Variants in PRRC2A observed in about 807,000 individuals in gnomAD.
PRRC2A encodes protein PRRC2A.
A neutral mutation model predicts 224.6 loss-of-function variants in PRRC2A; 59 were observed. The observed-to-expected ratio is 0.26, with a 90% CI of 0.21 to 0.33. PRRC2A has a LOEUF of 0.33. PRRC2A is among the 10% of genes least tolerant of loss of function. The pLI is 1.00. For missense variants in PRRC2A, 3,095 were observed against 2,880.7 expected (o/e 1.07, Z -1.70); for synonymous variants, 1,194 against 1,109.5 (o/e 1.08, Z -1.51).
chr6:31,627,233 C>T lies in PRRC2A; in HGVS notation c.1290+35C>T. On this transcript the variant is annotated intron_variant, in intron 11 of 30. Coordinates refer to ENST00000376033, the MANE Select transcript of PRRC2A (RefSeq NM_004638.4). This position sits in a 1 kb window ranked among gnomAD's most constrained non-coding sequence, Gnocchi z 5.6. ...TCCAATAAGGGATTGAGAGGGTCAGCTGTGGGAAATTGGTGTCAGCTGAGT... is the reference window on the plus strand; with the variant it reads ...TCCAATAAGGGATTGAGAGGGTCAGTTGTGGGAAATTGGTGTCAGCTGAGT... The T allele has an allele frequency of 6.9e-7, 1 of 1,449,314 alleles. No homozygotes were observed. The highest frequency in any genetic ancestry group is 9.6e-7 in the Non-Finnish European group (1 of 1,045,996). 89.8% of individuals were successfully genotyped at this position (1,449,314 alleles called of 1,614,324 possible). A position where few individuals can be genotyped will look rare whatever the true frequency, so the allele number is the denominator to read the frequency against.
rs751817325 is a variant in PRRC2A at position 31,627,754 on chromosome 6, C to A, written c.1291-11C>A. On this transcript the variant is annotated splice_polypyrimidine_tract_variant and intron_variant, in intron 11 of 30. Transcript: ENST00000376033. This position sits in a 1 kb window ranked among gnomAD's most constrained non-coding sequence, Gnocchi z 5.6. The stretch of plus-strand genomic sequence containing the variant: ...ATTCCCCTGGCCCTGCTGGGTCTTG[C>A]CAATTGACAGGATCGTGGGGGTCCT... 6.2e-7 allele frequency: 1 copy of A among 1,609,976 alleles called. No homozygotes were observed. The highest frequency in any genetic ancestry group is 1.7e-5 in the Admixed American group (1 of 59,968).
In PRRC2A at chr6:31,629,862, G is replaced by A. The variant is rs775831433; in HGVS notation, c.2254+17G>A. On this transcript the variant is annotated intron_variant, in intron 14 of 30. Coordinates refer to ENST00000376033, the MANE Select transcript of PRRC2A (RefSeq NM_004638.4). ...ATCCCTCTGGTAAGGGGGCATGGGA[G>A]GAGTGAGAAACAGGAAAGTCCCCTC... 3.1e-6 allele frequency: 5 copies of A among 1,612,416 alleles called. No homozygotes were observed. The highest frequency in any genetic ancestry group is 1.3e-5 in the African/African-American group (1 of 74,826).
chr6:31,628,278 A>G (rs752256976), intron 12 of PRRC2A, 39 bp downstream of exon 12: 3 of 1,576,284 alleles, frequency 1.9e-6, no homozygotes, highest in Admixed American at 1.8e-5. Context: ...ATGTCAGATC[A>G]CTGCTTCAAG....
At position 31,632,586 on chromosome 6, in the gene PRRC2A, A is replaced by G; in HGVS notation, c.3913A>G (p.Lys1305Glu). The change falls in exon 16 of 31, where the codon AAG becomes GAG. Residue 1305 changes from lysine to glutamate, a missense_variant. Lys to Glu is a moderately conservative substitution (Grantham distance 56). Transcript: ENST00000376033. ...CCCAGCACCTCGCCGGGCAGCTGCC[A>G]AGTCTCCTGATCTGTCAAACCAGAA... The part of the protein sequence containing the change: ...VAPAPRRAAA[K>E]SPDLSNQNSD... The G allele has an allele frequency of 1.9e-6, 3 of 1,613,000 alleles. No individual in the cohort carries two copies. The highest frequency in any genetic ancestry group is 1.7e-6 in the Non-Finnish European group (2 of 1,179,958).
intron 9 of PRRC2A, 40 bp from the exon 10 acceptor site, chr6:31,626,732 G>A (rs1405427839): frequency 1.3e-6 from 2 of 1,520,866 alleles, no homozygotes; most frequent in Non-Finnish European, 1.8e-6. Flanking sequence ...AGATTGGAGG[G>A]CAGAATGCTT....
At position 31,636,284 on chromosome 6, in the gene PRRC2A, G is replaced by C; in HGVS notation, c.5700G>C (p.Gln1900His). Residue 1900 changes from glutamine (Q) to histidine (H), a missense_variant, in exon 26 of 31, where the codon CAG (glutamine) becomes CAC (histidine). Around this residue, in one of 8 missense-constraint regions of PRRC2A, gnomAD observed 662 missense variants for 609.5 expected, o/e 1.09. Coordinates refer to ENST00000376033, the MANE Select transcript of PRRC2A (RefSeq NM_004638.4). The surrounding 1 kb of genome is among the most constrained non-coding windows in gnomAD (Gnocchi z 4.3). ...ALLSGLALKG[Q>H]FLDFSTMQAT... ...TCTCTGGGTTAGCTCTCAAGGGCCAGTTTCTGGATTTCTCCACAATGCAAG... is the reference window on the plus strand; with the variant it reads ...TCTCTGGGTTAGCTCTCAAGGGCCACTTTCTGGATTTCTCCACAATGCAAG... 1 of 1,613,018 alleles carries C rather than the reference G, an allele frequency of 6.2e-7. No homozygotes were observed. Among genetic ancestry groups the C allele is most frequent in the Non-Finnish European group, 8.5e-7 (1 of 1,180,014 alleles).
At chr6:31,626,305 T>A in intron 9 of PRRC2A, 143 bp downstream of exon 9, 2 of 1,071,356 alleles carry the variant, frequency 1.9e-6, no homozygotes, top group Non-Finnish European at 2.6e-6. Context: ...GTAATCCCAG[T>A]GCTTTGGGAG....
In PRRC2A at chr6:31,631,410, C is replaced by A. The variant is rs1310619159; in HGVS notation, c.2737C>A (p.Pro913Thr). ...CGGAGTCGGGAGTGGAGGCCAGGGCCCCCCACCACCACGCAGAGAGAGTCG... is the reference window on the plus strand; with the variant it reads ...CGGAGTCGGGAGTGGAGGCCAGGGCACCCCACCACCACGCAGAGAGAGTCG... ...ARGVGSGGQG[P>T]PPPRRESRTE... is the part of the protein sequence containing the mutation. The change falls in exon 16 of 31, where the codon CCC (proline) becomes ACC (threonine). Residue 913 changes from proline (P) to threonine (T), a missense_variant. Pro to Thr is a conservative substitution (Grantham distance 38). Transcript: ENST00000376033. This position sits in a 1 kb window ranked among gnomAD's most constrained non-coding sequence, Gnocchi z 4.5. The A allele has an allele frequency of 6.2e-7, 1 of 1,609,330 alleles. No homozygotes were observed. Among genetic ancestry groups the A allele is most frequent in the East Asian group, 2.2e-5 (1 of 44,784 alleles).
At chr6:31,629,392 A>G in intron 13 of PRRC2A, 58 bp downstream of exon 13, 1 of 1,519,196 alleles carries the variant, frequency 6.6e-7, no homozygotes, top group Non-Finnish European at 8.9e-7. Context: ...TCGGTCCCTA[A>G]TTCTCTTCAT....
chr6:31,630,609 G>A lies in PRRC2A; in HGVS notation c.2273G>A (p.Arg758His), dbSNP rs145145943. Residue 758 changes from arginine (R) to histidine (H), a missense_variant, in exon 15 of 31, where the codon CGT (arginine) becomes CAT (histidine). Arg to His is a conservative substitution (Grantham distance 29, BLOSUM62 0). Around this residue, in one of 8 missense-constraint regions of PRRC2A, gnomAD observed 2,001 missense variants for 1,764.9 expected, o/e 1.13. Transcript: ENST00000376033. ...VHPSGLVPRE[R>H]SDSGGSSSEP... is the part of the protein sequence containing the mutation. Reference sequence around the variant, plus strand: ...TCTTCAGGCCTAGTTCCCCGAGAGCGTTCAGACAGTGGGGGCTCAAGCTCA... The same window carrying A: ...TCTTCAGGCCTAGTTCCCCGAGAGCATTCAGACAGTGGGGGCTCAAGCTCA... 1.6e-5 allele frequency: 26 copies of A among 1,613,968 alleles called. No homozygotes were observed. Among genetic ancestry groups the A allele is most frequent in the East Asian group, 2.2e-5 (1 of 44,894 alleles).
intron 13 of PRRC2A, 94 bp from the exon 14 acceptor site, chr6:31,629,454 C>T (rs979238438): frequency 2.6e-5 from 37 of 1,433,628 alleles, no homozygotes; most frequent in East Asian, 4.6e-5. Flanking sequence ...TCCATTGTCA[C>T]GCCAATTTCC....
At position 31,625,800 on chromosome 6, in the gene PRRC2A, C is replaced by A; in HGVS notation, c.768C>A (p.Pro256=). 1 of 1,577,232 alleles carries A rather than the reference C, an allele frequency of 6.3e-7. No individual in the cohort carries two copies. Among genetic ancestry groups the A allele is most frequent in the Non-Finnish European group, 8.7e-7 (1 of 1,147,142 alleles). The change falls in exon 8 of 31, where the codon CCC becomes CCA. Residue 256 remains proline (P), a synonymous_variant. Transcript: ENST00000376033. This position sits in a 1 kb window ranked among gnomAD's most constrained non-coding sequence, Gnocchi z 4.1. ...YRGMMPPFMY[P]PYLPFPPPYG... ...GTTGGACCCTTTTACAGATGTATCC[C>A]CCATATCTCCCGTTCCCTCCGCCCT...
chr6:31,632,434 C>A lies in PRRC2A; in HGVS notation c.3761C>A (p.Pro1254Gln). Residue 1254 changes from proline to glutamine, a missense_variant, in exon 16 of 31, where the codon CCG becomes CAG. This residue lies in a region of PRRC2A where 2,001 missense variants were observed against 1,764.9 expected (regional missense o/e 1.13). Transcript: ENST00000376033. ...RHGRAQQQDK[P>Q]PRFRRLKQER... ...GGGAGGGCTCAGCAGCAGGATAAAC[C>A]GCCTCGTTTCCGGAGGCTGAAGCAG... The A allele has an allele frequency of 6.2e-7, 1 of 1,605,404 alleles. No homozygotes were observed. Among genetic ancestry groups the A allele is most frequent in the Non-Finnish European group, 8.5e-7 (1 of 1,174,902 alleles).
At chr6:31,621,437 A>G (rs1583171211) in intron 1 of PRRC2A, among the ~76,000 whole-genome samples, 1 of 140,792 alleles carries the variant, frequency 7.1e-6, no homozygotes. Flanking sequence ...TTCTCCCCCA[A>G]CCCCGTTTTT....
chr6:31,627,071 C>G lies in PRRC2A; in HGVS notation c.1163C>G (p.Pro388Arg). ...GNSPNSEPPT[P>R]KTAWAETSRP... ...TCCCCCAACAGCGAACCGCCCACTCCTAAGACGGCCTGGGCAGAAACCTCT... is the reference window on the plus strand; with the variant it reads ...TCCCCCAACAGCGAACCGCCCACTCGTAAGACGGCCTGGGCAGAAACCTCT... The change falls in exon 11 of 31, where the codon CCT becomes CGT. Residue 388 changes from proline to arginine, a missense_variant. By Grantham distance (103) the Pro-to-Arg change is moderately radical (BLOSUM62 -2). Coordinates refer to ENST00000376033, the MANE Select transcript of PRRC2A (RefSeq NM_004638.4). This position sits in a 1 kb window ranked among gnomAD's most constrained non-coding sequence, Gnocchi z 5.6. The G allele has an allele frequency of 1.2e-6, 2 of 1,614,206 alleles. No individual in the cohort carries two copies. Among genetic ancestry groups the G allele is most frequent in the Non-Finnish European group, 1.7e-6 (2 of 1,180,028 alleles).
chr6:31,637,424 T>C (rs776869739), intron 30 of PRRC2A, 22 bp from the exon 31 acceptor site: 2 of 1,598,344 alleles, frequency 1.3e-6, no homozygotes, highest in Non-Finnish European at 1.7e-6. Flanking sequence ...GACTCACTGT[T>C]TAACACATGC....
intron 16 of PRRC2A, 27 bp downstream of exon 16, chr6:31,633,019 T>G: frequency 6.7e-7 from 1 of 1,485,008 alleles, no homozygotes; most frequent in South Asian, 1.3e-5. Context: ...AAATTTATTG[T>G]GGTTTAAAAA....
In PRRC2A at chr6:31,625,197, C is replaced by A. The variant is rs1002192198; in HGVS notation, c.490C>A (p.Arg164=). 2.7e-5 allele frequency: 44 copies of A among 1,613,030 alleles called. No homozygotes were observed. The highest frequency in any genetic ancestry group is 3.6e-5 in the Non-Finnish European group (43 of 1,179,970). Residue 164 remains arginine, a synonymous_variant, in exon 6 of 31, where the codon CGA becomes AGA. Transcript: ENST00000376033. This position sits in a 1 kb window ranked among gnomAD's most constrained non-coding sequence, Gnocchi z 4.1. ...TGGAAGGGCATCAAGCCTACTGTCA[C>A]GATTCTCTCGAGAGGAATTTCCGAC... ...DGGRASSLLS[R]FSREEFPTLQ... is the part of the protein sequence containing the mutation.
intron 21 of PRRC2A, 77 bp downstream of exon 21, chr6:31,635,054 C>G (rs1777160329): frequency 6.3e-7 from 1 of 1,599,246 alleles, no homozygotes; most frequent in African/African-American, 1.3e-5. Flanking sequence ...CTTTTTCTCT[C>G]TGCGTGTGTG....
Sources: gnomAD v4.1 joint callset for allele counts (sites outside exome capture counted in the v4.1 genomes callset) on GRCh38, gnomAD v4.1.1 for gene constraint, gnomAD v4.1.1 regional missense constraint, Gnocchi (gnomAD v3.1) non-coding constraint, MANE v1.5 for transcripts, NCBI Gene and HGNC (gene_info 2026-07-23, HGNC 2026-07-21) for gene names.